NBPF6: variants seen among roughly 807,000 people sequenced by gnomAD.
NBPF6 encodes the protein NBPF family member NBPF6.
Under a neutral mutation model 20.8 loss-of-function variants are expected in NBPF6, and 2 were observed. The observed-to-expected ratio is 0.10, with a 90% confidence interval of 0.04 to 0.30. NBPF6 has a LOEUF of 0.30. Among genes scored for constraint, NBPF6 ranks in the 10% least tolerant of loss-of-function variants. The pLI, the probability that NBPF6 is intolerant of heterozygous loss-of-function variation, is 1.00. For missense variants in NBPF6, 85 were observed against 260.3 expected (o/e 0.33, Z 4.63); for synonymous variants, 24 against 100.0 (o/e 0.24, Z 4.53).
At chr1:108,453,010 A>G (rs4265454) in intron 3 of NBPF6, among the ~76,000 whole-genome samples, 171 bp from the exon 4 acceptor site, 22,721 of 39,814 alleles carry the variant, frequency 0.57, 7,182 homozygotes, top group East Asian at 0.89. Flanking sequence ...GTGTGTGTGT[A>G]TATATATATA....
chr1:108,465,280 C>A lies in NBPF6; in HGVS notation c.1516C>A (p.Pro506Thr). ...TCAAATTTCACAGGCACAGCTGGAA[C>A]CAAGCACCCTGGTGCCCAGTTGTCT... is the stretch of plus-strand genomic sequence containing the variant. Reference protein sequence around the residue: ...EVQISQAQLEPSTLVPSCLRL... With the variant: ...EVQISQAQLETSTLVPSCLRL... Residue 506 changes from proline to threonine, a missense_variant, in exon 13 of 15, where the codon CCA becomes ACA. Physicochemically the swap from Pro to Thr is conservative, Grantham distance 38. Around this residue, in one of 5 missense-constraint regions of NBPF6, gnomAD observed 43 missense variants for 97.3 expected, o/e 0.44. Coordinates refer to ENST00000495380, the MANE Select transcript of NBPF6 (RefSeq NM_001143988.2). The A allele has an allele frequency of 8.4e-7, 1 of 1,193,518 alleles. No homozygotes were observed. Among genetic ancestry groups the A allele is most frequent in the South Asian group, 1.4e-5 (1 of 70,624 alleles). 73.9% of individuals were successfully genotyped at this position (1,193,518 alleles called of 1,614,324 possible).
Position 108,471,542 on chromosome 1 carries a change from AAT to A in NBPF6, c.*907_*908del, listed in dbSNP as rs1653475498. On this transcript the variant is annotated 3_prime_UTR_variant, in exon 15 of 15. Transcript: ENST00000495380. ...TTGGAAAGTGGTTTGAAATAGTATA[AAT>A]ATCCTGTATTCTAACAATCTTCTTC... Among the ~76,000 whole-genome samples the A allele has an allele frequency of 6.6e-6, 1 of 152,166 alleles. No individual in the cohort carries two copies. Among genetic ancestry groups the A allele is most frequent in the Non-Finnish European group, 1.5e-5 (1 of 68,034 alleles).
intron 2 of NBPF6, among the ~76,000 whole-genome samples, chr1:108,451,404 TAG>T (rs1162078613): frequency 9.1e-6 from 1 of 110,178 alleles, no homozygotes; most frequent in African/African-American, 3.0e-5. Flanking sequence ...TGAGACATTG[TAG>T]AGGTAGCAGT....
chr1:108,434,718 C>T, the NBPF6 span, among the ~76,000 whole-genome samples: 8 of 85,334 alleles, frequency 9.4e-5, 1 homozygote, highest in South Asian at 3.0e-3. Flanking sequence ...CTCAAACTCC[C>T]AGACTCCAGT....
chr1:108,469,741 C>T (rs1164961067), intron 14 of NBPF6, among the ~76,000 whole-genome samples: 1 of 144,962 alleles, frequency 6.9e-6, no homozygotes, highest in Admixed American at 6.9e-5. Context: ...TCCCTTTTCT[C>T]ACTTTGCTAA....
chr1:108,452,980 TTGTG>T lies in NBPF6; in HGVS notation c.279-175_279-172del, dbSNP rs759252996. Among the ~76,000 whole-genome samples the T allele has an allele frequency of 4.0e-3, 188 of 47,384 alleles. 12 individuals are homozygous for T. Among genetic ancestry groups the T allele is most frequent in the African/African-American group, 0.013 (177 of 13,678 alleles). 31.1% of individuals were successfully genotyped at this position (47,384 alleles called of 152,430 possible). ...TGTGTGTGTGTGTGTGTATGTTTGT[TTGTG>T]TGTGTGTGTGTGTGTGTGTGTGTGT... On this transcript the variant is annotated intron_variant, in intron 3 of 14. Coordinates refer to ENST00000495380, the MANE Select transcript of NBPF6 (RefSeq NM_001143988.2).
chr1:108,471,580 A>G lies in NBPF6; in HGVS notation c.*942A>G, dbSNP rs1653477026. Among the ~76,000 whole-genome samples the G allele has an allele frequency of 6.6e-6, 1 of 152,224 alleles. No individual in the cohort carries two copies. The highest frequency in any genetic ancestry group is 2.4e-5 in the African/African-American group (1 of 41,454). On this transcript the variant is annotated 3_prime_UTR_variant, in exon 15 of 15. Transcript: ENST00000495380. ...CTAACAATCTTCTTCTGAGTATTTT[A>G]TCATCAATTAATCACCCCTGCCTGT...
chr1:108,449,415 A>ACT (rs1299854596), upstream of NBPF6, among the ~76,000 whole-genome samples: 198 of 9,014 alleles, frequency 0.022, no homozygotes, highest in African/African-American at 0.032. Context: ...TGTTAGAACA[A>ACT]CTATATATAT....
rs1452208282 is a variant in NBPF6, at chr1:108,471,310, T to C, written c.*672T>C. On this transcript the variant is annotated 3_prime_UTR_variant, in exon 15 of 15. Coordinates refer to ENST00000495380, the MANE Select transcript of NBPF6 (RefSeq NM_001143988.2). Reference sequence around the variant, plus strand: ...CAATGGTCTACATTCTGAAGTTATCTGAAAATGTCGTCATGATTAAATTCA... The same window carrying C: ...CAATGGTCTACATTCTGAAGTTATCCGAAAATGTCGTCATGATTAAATTCA... 1.3e-5 allele frequency among the ~76,000 whole-genome samples: 2 copies of C among 152,200 alleles called. No homozygotes were observed. The highest frequency in any genetic ancestry group is 2.4e-5 in the African/African-American group (1 of 41,452).
chr1:108,447,950 A>G (rs1234594156), upstream of NBPF6, among the ~76,000 whole-genome samples: 15 of 147,176 alleles, frequency 1.0e-4, no homozygotes, highest in Admixed American at 1.0e-3. Flanking sequence ...CTCAAAACAG[A>G]AATCAGAAAA....
In NBPF6 at chr1:108,460,608, A is replaced by G. The variant is rs1219945748; in HGVS notation, c.1198+506A>G. Among the ~76,000 whole-genome samples the G allele has an allele frequency of 1.8e-5, 2 of 111,354 alleles. 1 individual carries two copies. 73.1% of individuals were successfully genotyped at this position (111,354 alleles called of 152,430 possible). On this transcript the variant is annotated intron_variant, in intron 10 of 14. Coordinates refer to ENST00000495380, the MANE Select transcript of NBPF6 (RefSeq NM_001143988.2). ...TTATCCTGTTTTAGCTGAGCAGTCC[A>G]TTACCTTTTGTTATGTTTCTAGAAA...
At chr1:108,469,184 CAAGAT>C (rs1443046985) in intron 14 of NBPF6, among the ~76,000 whole-genome samples, 1 of 150,676 alleles carries the variant, frequency 6.6e-6, no homozygotes, top group Admixed American at 6.6e-5. Context: ...ATTTTGAATA[CAAGAT>C]AAGTAAGAAA....
upstream of NBPF6, among the ~76,000 whole-genome samples, chr1:108,448,218 T>C (rs2101038451): frequency 6.8e-6 from 1 of 146,242 alleles, no homozygotes; most frequent in East Asian, 2.0e-4. Flanking sequence ...CACTGTGTAA[T>C]GACAGTGCTT....
rs1653448661 is a variant in NBPF6, at chr1:108,471,131, GA to G, written c.*495del. 1 of 152,272 alleles carries G rather than the reference GA, an allele frequency of 6.6e-6. No homozygotes were observed. Among genetic ancestry groups the G allele is most frequent in the African/African-American group, 2.4e-5 (1 of 41,452 alleles). 9.4% of individuals were successfully genotyped at this position (152,272 alleles called of 1,614,324 possible). A position where few individuals can be genotyped will look rare whatever the true frequency, so the allele number is the denominator to read the frequency against. On this transcript the variant is annotated 3_prime_UTR_variant, in exon 15 of 15. Transcript: ENST00000495380. ...ACCACCAAGAAAACAACAAAAAGGA[GA>G]AGAGACATTTTGAGTTCAAAAAGAG... is the stretch of plus-strand genomic sequence containing the variant.
At position 108,470,913 on chromosome 1, in the gene NBPF6, G is replaced by C. The variant is rs1653431380; in HGVS notation, c.*275G>C. The C allele has an allele frequency of 3.2e-6, 1 of 312,992 alleles. No homozygotes were observed. Among genetic ancestry groups the C allele is most frequent in the Non-Finnish European group, 6.0e-6 (1 of 167,026 alleles). The allele number at this position is 312,992 out of a possible 1,614,324, so 19.4% of individuals were successfully genotyped here. On this transcript the variant is annotated 3_prime_UTR_variant, in exon 15 of 15. Coordinates refer to ENST00000495380, the MANE Select transcript of NBPF6 (RefSeq NM_001143988.2). ...CCTGTTTCTCAATTCCCATCATGTA[G>C]AGAACAGGAGTCCGCAGCTGCTGGC...
rs1653469202 is a variant in NBPF6 at position 108,471,436 on chromosome 1, C to CACTAGG, written c.*798_*799insACTAGG. 1.3e-5 allele frequency among the ~76,000 whole-genome samples: 2 copies of CACTAGG among 152,122 alleles called. No individual in the cohort carries two copies. The highest frequency in any genetic ancestry group is 1.3e-4 in the Admixed American group (2 of 15,254). On this transcript the variant is annotated 3_prime_UTR_variant, in exon 15 of 15. Transcript: ENST00000495380. The stretch of plus-strand genomic sequence containing the variant: ...AGGCCCAGTGTGTCCATCCCCAGTG[C>CACTAGG]GGTGATACTAGGATGTTCACTTGGT...
In NBPF6 at chr1:108,470,593, A is replaced by G. The variant is rs1571386335; in HGVS notation, c.1876-4A>G. The G allele has an allele frequency of 2.6e-6, 4 of 1,551,564 alleles. No individual in the cohort carries two copies. Among genetic ancestry groups the G allele is most frequent in the South Asian group, 2.4e-5 (2 of 83,990 alleles). ...TTGATTTTTTTTCTCTCTCTCCCCTACAGATACCAAATACTGCTGAAAGGA... is the reference window on the plus strand; with the variant it reads ...TTGATTTTTTTTCTCTCTCTCCCCTGCAGATACCAAATACTGCTGAAAGGA... On this transcript the variant is annotated splice_polypyrimidine_tract_variant and splice_region_variant and intron_variant, in intron 14 of 14. Transcript: ENST00000495380.
upstream of NBPF6, among the ~76,000 whole-genome samples, chr1:108,447,863 G>A (rs1268212863): frequency 2.0e-5 from 3 of 146,908 alleles, no homozygotes; most frequent in African/African-American, 2.6e-5. Flanking sequence ...TTTGTGCTTC[G>A]ACTTCAGAAA....
intron 14 of NBPF6, among the ~76,000 whole-genome samples, chr1:108,470,029 A>C (rs1179078236): frequency 3.9e-5 from 3 of 75,980 alleles, no homozygotes; most frequent in African/African-American, 5.6e-5. Flanking sequence ...GTCAATAGCA[A>C]GTCATGTGGC....
Sources: gnomAD v4.1 joint callset for allele counts (sites outside exome capture counted in the v4.1 genomes callset) on GRCh38, gnomAD v4.1.1 for gene constraint, gnomAD v4.1.1 regional missense constraint, MANE v1.5 for transcripts, NCBI Gene and HGNC (gene_info 2026-07-23, HGNC 2026-07-21) for gene names.